PID1: variants seen among roughly 807,000 people sequenced by gnomAD.
The protein encoded by PID1 is PTB-containing, cubilin and LRP1-interacting protein.
In PID1, 10 loss-of-function variants were observed where a neutral mutation model predicts 19.1. That is an observed-to-expected ratio of 0.52 (90% CI 0.32 to 0.89). The LOEUF is 0.89. Ranked by LOEUF, PID1 falls within the 40% of genes least tolerant of loss-of-function variation. PID1 has a pLI of 0.03. For missense variants in PID1, 248 were observed against 285.3 expected (o/e 0.87, Z 0.94); for synonymous variants, 130 against 116.0 (o/e 1.12, Z -0.78).
chr2:229,026,121 G>C lies in PID1; in HGVS notation c.178-13C>G, dbSNP rs769047072. On this transcript the variant is annotated splice_polypyrimidine_tract_variant and intron_variant, in intron 2 of 2. Transcript: ENST00000392055. ...CCAGGTAGGTAACCTGCAGATGCAAGAGAGGAAGAAAAGGGAGGCATCAGC... is the reference window on the plus strand; with the variant it reads ...CCAGGTAGGTAACCTGCAGATGCAACAGAGGAAGAAAAGGGAGGCATCAGC... The C allele has an allele frequency of 1.9e-6, 3 of 1,589,144 alleles. No individual in the cohort carries two copies. Among genetic ancestry groups the C allele is most frequent in the Non-Finnish European group, 2.6e-6 (3 of 1,158,598 alleles).
At chr2:229,088,114 C>T (rs1457963977) in intron 2 of PID1, among the ~76,000 whole-genome samples, 1 of 152,168 alleles carries the variant, frequency 6.6e-6, no homozygotes, top group Non-Finnish European at 1.5e-5. Context: ...CTTTCACTAA[C>T]AGCTCCTCAC....
At chr2:229,096,697 G>C (rs917563390) in intron 2 of PID1, among the ~76,000 whole-genome samples, 1 of 152,154 alleles carries the variant, frequency 6.6e-6, no homozygotes, top group South Asian at 2.1e-4. Flanking sequence ...TACATACTCA[G>C]AGCTTTCAGA....
intron 1 of PID1, among the ~76,000 whole-genome samples, chr2:229,211,066 T>G (rs1335020679): frequency 1.3e-5 from 2 of 152,182 alleles, no homozygotes; most frequent in African/African-American, 4.8e-5. Context: ...TGTGGCAATG[T>G]TGTATTCTGT....
At chr2:229,240,643 T>A (rs1689844990) in intron 1 of PID1, among the ~76,000 whole-genome samples, 1 of 152,174 alleles carries the variant, frequency 6.6e-6, no homozygotes, top group Non-Finnish European at 1.5e-5. Flanking sequence ...ACCTCATTGC[T>A]TTGACTTTCA....
At chr2:229,164,543 C>G (rs1430821387) in intron 1 of PID1, among the ~76,000 whole-genome samples, 1 of 152,146 alleles carries the variant, frequency 6.6e-6, no homozygotes, top group Non-Finnish European at 1.5e-5. Context: ...TCTTGTTGCA[C>G]TGAATACAAT....
At chr2:229,167,137 G>C (rs1690615192) in intron 1 of PID1, among the ~76,000 whole-genome samples, 1 of 151,848 alleles carries the variant, frequency 6.6e-6, no homozygotes. Context: ...AAATATAGAA[G>C]AAATTATCAA....
chr2:229,255,206 T>C (rs1316607794), intron 1 of PID1, among the ~76,000 whole-genome samples: 2 of 152,132 alleles, frequency 1.3e-5, no homozygotes, highest in Non-Finnish European at 2.9e-5. Flanking sequence ...ATCAAGTAGA[T>C]GGGTTGAGGG....
chr2:229,232,151 C>A (rs1574743618), intron 1 of PID1: 4 of 1,440,548 alleles, frequency 2.8e-6, no homozygotes, highest in Non-Finnish European at 3.6e-6. Context: ...TGGCCGGGTG[C>A]AGTGGCTCAC....
At chr2:229,203,448 A>G (rs905371107) in intron 1 of PID1, among the ~76,000 whole-genome samples, 2 of 152,046 alleles carry the variant, frequency 1.3e-5, no homozygotes, top group Non-Finnish European at 2.9e-5. Context: ...ACTTTTCTTT[A>G]TAACATTGAT....
chr2:229,040,926 T>C (rs543752936), intron 2 of PID1, among the ~76,000 whole-genome samples: 72 of 152,300 alleles, frequency 4.7e-4, no homozygotes, highest in African/African-American at 1.7e-3. Flanking sequence ...GTTACAAATA[T>C]GCAAAGCAGG....
intron 2 of PID1, among the ~76,000 whole-genome samples, chr2:229,138,987 G>GAAAGAAAGAAAGAAAGAA (rs1689918467): frequency 1.0e-4 from 6 of 57,342 alleles, no homozygotes; most frequent in Admixed American, 1.6e-4. Context: ...ATAGAAGAAA[G>GAAAGAAAGAAAGAAAGAA]AAAGAAAGAA....
intron 2 of PID1, among the ~76,000 whole-genome samples, chr2:229,061,280 T>G (rs2106193106): frequency 6.6e-6 from 1 of 152,218 alleles, no homozygotes; most frequent in African/African-American, 2.4e-5. Context: ...TTGATTTTTG[T>G]ATATGATGTG....
chr2:229,072,215 T>C (rs1457624981), intron 2 of PID1, among the ~76,000 whole-genome samples: 1 of 152,186 alleles, frequency 6.6e-6, no homozygotes, highest in Non-Finnish European at 1.5e-5. Flanking sequence ...AAGAAAATAA[T>C]GTATAGTTGG....
In PID1 at chr2:229,025,539, G is replaced by T; in HGVS notation, c.*93C>A. ...ACCTTGGTCAGCCAATAGTTTGGCAGTCTTTTCATCCCAAATTTGAAACGT... is the reference window on the plus strand; with the variant it reads ...ACCTTGGTCAGCCAATAGTTTGGCATTCTTTTCATCCCAAATTTGAAACGT... On this transcript the variant is annotated 3_prime_UTR_variant, in exon 3 of 3. Coordinates refer to ENST00000392055, the MANE Select transcript of PID1 (RefSeq NM_001100818.2). 1 of 926,080 alleles carries T rather than the reference G, an allele frequency of 1.1e-6. No individual in the cohort carries two copies. The highest frequency in any genetic ancestry group is 1.7e-6 in the Non-Finnish European group (1 of 592,240). The allele number at this position is 926,080 out of a possible 1,614,324, so 57.4% of individuals were successfully genotyped here. A position where few individuals can be genotyped will look rare whatever the true frequency, so the allele number is the denominator to read the frequency against.
At position 229,262,736 on chromosome 2, in the gene PID1, C is replaced by A; in HGVS notation, c.30+8278G>T. 1.9e-6 allele frequency: 3 copies of A among 1,551,636 alleles called. No homozygotes were observed. The South Asian group carries it at 3.6e-5, about 18-fold the overall frequency. On this transcript the variant is annotated intron_variant, in intron 1 of 2. Coordinates refer to ENST00000392055, the MANE Select transcript of PID1 (RefSeq NM_001100818.2). ...AAAGGTTGGCAGGGCCACACACCAT[C>A]CAAAAGCTCTGGAGAAGAACATGTC...
At chr2:229,225,917 A>G (rs187727158) in intron 1 of PID1, among the ~76,000 whole-genome samples, 1 of 152,320 alleles carries the variant, frequency 6.6e-6, no homozygotes. Flanking sequence ...CCATCCCAGA[A>G]CACGTGGGGA....
chr2:229,103,276 C>A (rs978296037), intron 2 of PID1, among the ~76,000 whole-genome samples: 13 of 152,186 alleles, frequency 8.5e-5, no homozygotes, highest in African/African-American at 3.1e-4. Context: ...GTCAATGGGA[C>A]AAGGGAAGGG....
intron 1 of PID1, among the ~76,000 whole-genome samples, chr2:229,248,381 C>G (rs1204619859): frequency 6.6e-6 from 1 of 152,196 alleles, no homozygotes; most frequent in East Asian, 1.9e-4. Context: ...TATCAGGAGG[C>G]AGACGATCAT....
At chr2:229,140,657 C>T (rs7604518) in intron 2 of PID1, among the ~76,000 whole-genome samples, 1,809 of 152,158 alleles carry the variant, frequency 0.012, 35 homozygotes, top group African/African-American at 0.042. Flanking sequence ...GTTTTATATC[C>T]ATTATTGTTA....
Sources: allele counts gnomAD v4.1 joint callset (sites outside exome capture counted in the v4.1 genomes callset), GRCh38; gene constraint gnomAD v4.1.1; transcripts MANE v1.5; gene names NCBI Gene and HGNC (gene_info 2026-07-23, HGNC 2026-07-21).